CDH13: variants seen among roughly 807,000 people sequenced by gnomAD.
CDH13 encodes cadherin 13.
Under a neutral mutation model 63.8 loss-of-function variants are expected in CDH13, and 24 were observed. The observed-to-expected ratio is 0.38, with a 90% confidence interval of 0.27 to 0.53. CDH13 has a LOEUF of 0.53. Ranked by LOEUF, CDH13 falls within the 20% of genes least tolerant of loss-of-function variation. CDH13 has a pLI of 0.85. For synonymous variants in CDH13, 503 were observed against 355.3 expected (o/e 1.42, Z -4.67); for missense variants, 1,049 against 903.1 (o/e 1.16, Z -2.07).
intron 7 of CDH13, among the ~76,000 whole-genome samples, chr16:83,504,330 C>T (rs974952148): frequency 6.6e-6 from 1 of 152,180 alleles, no homozygotes; most frequent in Admixed American, 6.5e-5. Context: ...CAACCTCACC[C>T]TTACTTCTCT....
At chr16:82,708,247 G>A (rs1219677527) in intron 1 of CDH13, among the ~76,000 whole-genome samples, 1 of 152,236 alleles carries the variant, frequency 6.6e-6, no homozygotes, top group African/African-American at 2.4e-5. Flanking sequence ...GCGAAATCTA[G>A]CTGGCTGGCT....
intron 1 of CDH13, among the ~76,000 whole-genome samples, chr16:82,849,103 C>G (rs1305544524): frequency 6.6e-6 from 1 of 152,188 alleles, no homozygotes; most frequent in Non-Finnish European, 1.5e-5. Flanking sequence ...TAACTCTATT[C>G]AATTTTCTGA....
chr16:82,714,436 G>A (rs919175329), intron 1 of CDH13, among the ~76,000 whole-genome samples: 2 of 152,012 alleles, frequency 1.3e-5, no homozygotes, highest in Non-Finnish European at 2.9e-5. Flanking sequence ...AAAGAGGGTC[G>A]GGCATGGTGG....
Position 83,402,552 on chromosome 16 carries a change from C to T in CDH13, c.781+57546C>T, listed in dbSNP as rs1295401815. Among the ~76,000 whole-genome samples, 3 of 152,356 alleles carry T rather than the reference C, an allele frequency of 2.0e-5. No homozygotes were observed. The East Asian group carries it at 5.8e-4, about 29-fold the overall frequency. On this transcript the variant is annotated intron_variant, in intron 6 of 13. Transcript: ENST00000567109. ...CTTCATCACTTGCCCCAGCAAGTCT[C>T]TCCTCAAAGGATAGTCAGTTTGGCA...
chr16:82,634,976 G>C (rs1567575072), intron 1 of CDH13, among the ~76,000 whole-genome samples: 1 of 152,186 alleles, frequency 6.6e-6, no homozygotes, highest in Non-Finnish European at 1.5e-5. Flanking sequence ...GCTCTCCTGG[G>C]GCTCACAGCT....
chr16:82,674,564 C>T (rs1913674966), intron 1 of CDH13, among the ~76,000 whole-genome samples: 1 of 152,198 alleles, frequency 6.6e-6, no homozygotes, highest in Admixed American at 6.5e-5. Context: ...CTTAATTCAT[C>T]ACCTGAGAAG....
chr16:83,139,288 C>T (rs2036430927), intron 4 of CDH13, among the ~76,000 whole-genome samples: 1 of 152,218 alleles, frequency 6.6e-6, no homozygotes, highest in Non-Finnish European at 1.5e-5. Flanking sequence ...CCTGACTCAT[C>T]CATGCCTAGG....
At chr16:82,833,926 A>G (rs1471376366) in intron 1 of CDH13, among the ~76,000 whole-genome samples, 5 of 152,212 alleles carry the variant, frequency 3.3e-5, no homozygotes. Flanking sequence ...TGTATTTAAC[A>G]AAACCCCTTT....
intron 6 of CDH13, among the ~76,000 whole-genome samples, chr16:83,455,105 G>A (rs72806401): frequency 0.21 from 31,199 of 152,188 alleles, 3,304 homozygotes; most frequent in Middle Eastern, 0.27. Flanking sequence ...AGTGAAAATT[G>A]ATGCTCAGAG....
chr16:83,134,545 GAGAGAGAGAGAGAGAGA>G (rs2036194291), intron 4 of CDH13, among the ~76,000 whole-genome samples: 1 of 15,392 alleles, frequency 6.5e-5, no homozygotes, highest in Non-Finnish European at 1.7e-4. Flanking sequence ...GGGGTGGGGG[GAGAGAGAGAGAGAGAGA>G]GAGAGAGAGA....
intron 3 of CDH13, among the ~76,000 whole-genome samples, chr16:83,038,925 AG>A (rs1917100147): frequency 6.6e-6 from 1 of 152,204 alleles, no homozygotes; most frequent in Non-Finnish European, 1.5e-5. Flanking sequence ...TGATGAAGTC[AG>A]GTTGGGAAGT....
intron 1 of CDH13, among the ~76,000 whole-genome samples, chr16:82,675,543 T>A (rs925413526): frequency 2.0e-5 from 3 of 152,226 alleles, no homozygotes; most frequent in African/African-American, 7.2e-5. Context: ...GTTTCAAAGC[T>A]GCATGAAGTC....
chr16:82,679,361 G>T (rs1914291115), intron 1 of CDH13, among the ~76,000 whole-genome samples: 1 of 152,152 alleles, frequency 6.6e-6, no homozygotes, highest in Non-Finnish European at 1.5e-5. Flanking sequence ...TGGGGAGCAG[G>T]GTAGCAGGGA....
chr16:83,606,946 C>T (rs1306146159), intron 8 of CDH13, among the ~76,000 whole-genome samples: 2 of 151,924 alleles, frequency 1.3e-5, no homozygotes, highest in African/African-American at 4.8e-5. Context: ...GAGTAAATGT[C>T]ACTTGAAAAC....
At chr16:83,741,121 A>G (rs927746347) in intron 10 of CDH13, among the ~76,000 whole-genome samples, 1 of 152,218 alleles carries the variant, frequency 6.6e-6, no homozygotes, top group African/African-American at 2.4e-5. Context: ...TAACTAATCT[A>G]GGATTCTGGA....
intron 5 of CDH13, among the ~76,000 whole-genome samples, chr16:83,236,396 C>A (rs911891426): frequency 6.6e-6 from 1 of 152,156 alleles, no homozygotes; most frequent in Non-Finnish European, 1.5e-5. Flanking sequence ...TTTAAGCCAA[C>A]ATATTACACA....
At chr16:82,707,750 G>C (rs2031606164) in intron 1 of CDH13, among the ~76,000 whole-genome samples, 1 of 152,204 alleles carries the variant, frequency 6.6e-6, no homozygotes. Context: ...CTAAATATTT[G>C]TAGGTGAAGA....
intron 7 of CDH13, among the ~76,000 whole-genome samples, chr16:83,561,938 T>C (rs1162803533): frequency 1.3e-5 from 2 of 152,108 alleles, no homozygotes; most frequent in Non-Finnish European, 2.9e-5. Flanking sequence ...AGGTGAATGA[T>C]AAAAATGGTT....
chr16:83,423,266 A>G (rs1012281100), intron 6 of CDH13, among the ~76,000 whole-genome samples: 7 of 152,120 alleles, frequency 4.6e-5, no homozygotes. Context: ...ACATGTCAAC[A>G]CTCACCCAAG....
Sources: allele counts gnomAD v4.1 joint callset (sites outside exome capture counted in the v4.1 genomes callset), GRCh38; gene constraint gnomAD v4.1.1; transcripts MANE v1.5; gene names NCBI Gene and HGNC (gene_info 2026-07-23, HGNC 2026-07-21).